CDH13: variants seen among roughly 807,000 people sequenced by gnomAD.
CDH13 encodes the protein cadherin-13.
CDH13 carries 24 observed loss-of-function variants against 63.8 expected under a neutral mutation model. The observed-to-expected ratio is 0.38, with a 90% confidence interval of 0.27 to 0.53. CDH13 has a LOEUF of 0.53. Ranked by LOEUF, CDH13 falls within the 20% of genes least tolerant of loss-of-function variation. The pLI, the probability that CDH13 is intolerant of heterozygous loss-of-function variation, is 0.85. For missense variants in CDH13, 1,049 were observed against 903.1 expected (o/e 1.16, Z -2.07); for synonymous variants, 503 against 355.3 (o/e 1.42, Z -4.67).
At chr16:82,719,738 C>T (rs185440267) in intron 1 of CDH13, among the ~76,000 whole-genome samples, 332 of 149,282 alleles carry the variant, frequency 2.2e-3, no homozygotes, top group Admixed American at 4.5e-3. Context: ...CCCGGCTACT[C>T]GGGAGGCTGA....
At chr16:83,575,473 G>C (rs1315445086) in intron 7 of CDH13, among the ~76,000 whole-genome samples, 1 of 152,174 alleles carries the variant, frequency 6.6e-6, no homozygotes, top group Non-Finnish European at 1.5e-5. Flanking sequence ...AGATCTGTAA[G>C]ACAAGTACCA....
intron 2 of CDH13, among the ~76,000 whole-genome samples, chr16:82,930,766 TA>T (rs1460635131): frequency 6.6e-6 from 1 of 152,202 alleles, no homozygotes; most frequent in Non-Finnish European, 1.5e-5. Context: ...GATATATCAG[TA>T]CTCCAGTTCA....
At chr16:83,194,213 A>G (rs2038808106) in intron 4 of CDH13, among the ~76,000 whole-genome samples, 1 of 152,196 alleles carries the variant, frequency 6.6e-6, no homozygotes, top group African/African-American at 2.4e-5. Context: ...TGCTAGGTAC[A>G]CATAGGGACA....
chr16:83,141,151 G>A (rs981259712), intron 4 of CDH13, among the ~76,000 whole-genome samples: 1 of 152,166 alleles, frequency 6.6e-6, no homozygotes, highest in African/African-American at 2.4e-5. Flanking sequence ...TGAGATCAGA[G>A]AATATTAAAG....
At chr16:83,195,745 T>C (rs2038860550) in intron 4 of CDH13, among the ~76,000 whole-genome samples, 1 of 152,018 alleles carries the variant, frequency 6.6e-6, no homozygotes, top group African/African-American at 2.4e-5. Context: ...GTCATCAAGA[T>C]AGCATGATAC....
chr16:82,796,162 G>T (rs4783278), intron 1 of CDH13, among the ~76,000 whole-genome samples: 3,911 of 152,152 alleles, frequency 0.026, 80 homozygotes, highest in Non-Finnish European at 0.039. Context: ...AGGCAGCCTC[G>T]TGGGTAATAC....
chr16:82,927,675 TC>T (rs766667459), intron 2 of CDH13, among the ~76,000 whole-genome samples: 72 of 152,280 alleles, frequency 4.7e-4, no homozygotes, highest in Non-Finnish European at 8.7e-4. Flanking sequence ...CCCATCATAT[TC>T]CTCATCACAC....
At chr16:82,684,715 G>T (rs554463494) in intron 1 of CDH13, among the ~76,000 whole-genome samples, 3 of 152,074 alleles carry the variant, frequency 2.0e-5, no homozygotes, top group African/African-American at 7.2e-5. Flanking sequence ...ATGATTGAGT[G>T]CTTTGGCATA....
chr16:82,816,995 G>A (rs1014689729), intron 1 of CDH13, among the ~76,000 whole-genome samples: 2 of 152,036 alleles, frequency 1.3e-5, no homozygotes, highest in African/African-American at 4.8e-5. Context: ...TCTCCCTTAG[G>A]AAAGGGAGCT....
chr16:82,740,357 C>G lies in CDH13; in HGVS notation c.45+113220C>G, dbSNP rs543898800. 7.9e-5 allele frequency among the ~76,000 whole-genome samples: 12 copies of G among 152,302 alleles called. No individual in the cohort carries two copies. In the South Asian group the frequency reaches 1.9e-3, roughly 24 times the overall value. ...CTGGGCTACATTTAATCATCACAAA[C>G]TTCAAATTGTATTATCCCACTTTCC... On this transcript the variant is annotated intron_variant, in intron 1 of 13. Transcript: ENST00000567109.
chr16:82,966,524 C>T (rs1242359665), intron 2 of CDH13, among the ~76,000 whole-genome samples: 3 of 152,222 alleles, frequency 2.0e-5, no homozygotes, highest in Non-Finnish European at 4.4e-5. Context: ...CACTGCCAGT[C>T]AATCTGGGCT....
intron 1 of CDH13, among the ~76,000 whole-genome samples, chr16:82,666,512 A>C (rs1389866114): frequency 2.0e-5 from 3 of 152,214 alleles, no homozygotes; most frequent in African/African-American, 7.2e-5. Context: ...TGTGTGGAAT[A>C]GGCAGTGGGC....
At chr16:83,619,928 G>T (rs1207689543) in intron 8 of CDH13, among the ~76,000 whole-genome samples, 4 of 152,150 alleles carry the variant, frequency 2.6e-5, no homozygotes, top group Non-Finnish European at 5.9e-5. Flanking sequence ...GCCTGGGAAG[G>T]GCATGTCTGG....
intron 4 of CDH13, among the ~76,000 whole-genome samples, chr16:83,178,768 C>T (rs1034277256): frequency 6.6e-6 from 1 of 151,918 alleles, no homozygotes; most frequent in Non-Finnish European, 1.5e-5. Flanking sequence ...GTCATTGAGG[C>T]TTTGTTTTTT....
At chr16:83,333,943 A>T (rs1295534650) in intron 5 of CDH13, among the ~76,000 whole-genome samples, 2 of 152,180 alleles carry the variant, frequency 1.3e-5, no homozygotes, top group African/African-American at 2.4e-5. Flanking sequence ...CACAAATCTT[A>T]TCTTGCAGTT....
At chr16:83,064,190 G>T (rs925181157) in intron 3 of CDH13, among the ~76,000 whole-genome samples, 1 of 152,146 alleles carries the variant, frequency 6.6e-6, no homozygotes, top group Admixed American at 6.5e-5. Context: ...CCCACATGAT[G>T]AAACCCCATC....
chr16:82,895,923 C>T (rs2041240636), intron 2 of CDH13, among the ~76,000 whole-genome samples: 1 of 152,170 alleles, frequency 6.6e-6, no homozygotes, highest in African/African-American at 2.4e-5. Flanking sequence ...TTTGAACACA[C>T]TGAGCTTGTG....
chr16:83,197,266 CATAGGTATAT>C (rs2038902593), intron 4 of CDH13, among the ~76,000 whole-genome samples: 1 of 141,688 alleles, frequency 7.1e-6, no homozygotes, highest in Non-Finnish European at 1.5e-5. Context: ...GTGGGTGTAT[CATAGGTATAT>C]ATATATATAT....
intron 4 of CDH13, among the ~76,000 whole-genome samples, chr16:83,159,060 C>T (rs1048143195): frequency 2.0e-5 from 3 of 152,140 alleles, no homozygotes; most frequent in Non-Finnish European, 2.9e-5. Flanking sequence ...TTCAACTTCA[C>T]GTTTCCATTT....
Sources: gnomAD v4.1 joint callset for allele counts (sites outside exome capture counted in the v4.1 genomes callset) on GRCh38, gnomAD v4.1.1 for gene constraint, MANE v1.5 for transcripts, NCBI Gene and HGNC (gene_info 2026-07-23, HGNC 2026-07-21) for gene names.